The following RYR2 variants were observed in gnomAD, a reference collection of about 807,000 sequenced individuals.
RYR2 encodes cardiac muscle ryanodine receptor-calcium release channel.
Under a neutral mutation model 601.1 loss-of-function variants are expected in RYR2, and 227 were observed. That is an observed-to-expected ratio of 0.38 (90% CI 0.34 to 0.42). RYR2 has a LOEUF of 0.42. Ranked by LOEUF, RYR2 falls within the 10% of genes least tolerant of loss-of-function variation. RYR2 has a pLI of 1.00. For synonymous variants in RYR2, 2,223 were observed against 2,175.1 expected (o/e 1.02, Z -0.61); for missense variants, 4,646 against 6,156.5 (o/e 0.75, Z 8.21).
intron 17 of RYR2, among the ~76,000 whole-genome samples, chr1:237,476,218 G>A (rs892147672): frequency 6.6e-6 from 1 of 152,128 alleles, no homozygotes; most frequent in Non-Finnish European, 1.5e-5. Flanking sequence ...GCCAAAGAAG[G>A]AGTCTTTGAG....
chr1:237,742,410 A>G (rs367815684), intron 80 of RYR2, 61 bp downstream of exon 80: 7 of 1,151,666 alleles, frequency 6.1e-6, no homozygotes, highest in Non-Finnish European at 8.9e-6. Flanking sequence ...TTCATAGCTT[A>G]TAACTGACAT....
At chr1:237,815,033 T>C (rs1661665068) in intron 100 of RYR2, among the ~76,000 whole-genome samples, 1 of 146,468 alleles carries the variant, frequency 6.8e-6, no homozygotes, top group Non-Finnish European at 1.5e-5. Flanking sequence ...TGACCCTCAG[T>C]GTTCCCTAAA....
Position 237,711,844 on chromosome 1 carries a change from C to T in RYR2, c.10323+7C>T, listed in dbSNP as rs768244131. On this transcript the variant is annotated splice_region_variant and intron_variant, in intron 71 of 104. Transcript: ENST00000366574. Reference sequence around the variant, plus strand: ...CAAGTCAAAGATGTCAAAGGTATTACTATAAACTGTTTCACTGTTCTGGAA... The same window carrying T: ...CAAGTCAAAGATGTCAAAGGTATTATTATAAACTGTTTCACTGTTCTGGAA... The T allele has an allele frequency of 8.1e-7, 1 of 1,229,580 alleles. No individual in the cohort carries two copies. The highest frequency in any genetic ancestry group is 1.2e-5 in the South Asian group (1 of 80,634). 76.2% of individuals were successfully genotyped at this position (1,229,580 alleles called of 1,614,324 possible).
chr1:237,647,532 A>G (rs1249429068), intron 48 of RYR2, among the ~76,000 whole-genome samples: 1 of 152,232 alleles, frequency 6.6e-6, no homozygotes, highest in African/African-American at 2.4e-5. Flanking sequence ...TGTTTTCATG[A>G]TTCACATATA....
intron 1 of RYR2, among the ~76,000 whole-genome samples, chr1:237,243,781 TTA>T (rs1686470141): frequency 6.6e-6 from 1 of 152,154 alleles, no homozygotes; most frequent in African/African-American, 2.4e-5. Context: ...ACACCCAACA[TTA>T]TAACAAAAGA....
intron 38 of RYR2, among the ~76,000 whole-genome samples, chr1:237,618,347 A>G (rs1479325734): frequency 6.6e-6 from 1 of 152,164 alleles, no homozygotes; most frequent in Non-Finnish European, 1.5e-5. Flanking sequence ...GGAAAGATGG[A>G]GTACATGTGC....
At chr1:237,540,715 T>TAAA (rs61711260) in intron 25 of RYR2, among the ~76,000 whole-genome samples, 2,115 of 130,382 alleles carry the variant, frequency 0.016, 22 homozygotes, top group Non-Finnish European at 0.026. Flanking sequence ...TTCAAAATAT[T>TAAA]AAAAAAAAAA....
intron 12 of RYR2, among the ~76,000 whole-genome samples, chr1:237,436,724 G>GATCTATTAGTTACCTAATAGAGTA (rs1382936190): frequency 7.7e-4 from 117 of 151,498 alleles, no homozygotes; most frequent in Admixed American, 2.2e-3. Flanking sequence ...ATCATCTGAG[G>GATCTATTAGTTACCTAATAGAGTA]ATCTATTAGT....
intron 28 of RYR2, among the ~76,000 whole-genome samples, 164 bp from the exon 29 acceptor site, chr1:237,568,981 G>T (rs1672377954): frequency 6.6e-6 from 1 of 152,078 alleles, no homozygotes; most frequent in Non-Finnish European, 1.5e-5. Flanking sequence ...TTCCCAGACA[G>T]CTCCATTTTG....
chr1:237,119,499 G>A (rs1670535496), intron 1 of RYR2, among the ~76,000 whole-genome samples: 1 of 152,134 alleles, frequency 6.6e-6, no homozygotes, highest in African/African-American at 2.4e-5. Context: ...AGTTGGTCAT[G>A]GCACACTGGG....
intron 68 of RYR2, among the ~76,000 whole-genome samples, chr1:237,707,504 A>T (rs137979732): frequency 1.5e-3 from 226 of 152,310 alleles, no homozygotes; most frequent in African/African-American, 4.7e-3. Flanking sequence ...CTGTAAGATT[A>T]ATCAATAAAC....
At chr1:237,224,992 C>G (rs1029537923) in intron 1 of RYR2, among the ~76,000 whole-genome samples, 1 of 152,176 alleles carries the variant, frequency 6.6e-6, no homozygotes, top group Non-Finnish European at 1.5e-5. Flanking sequence ...TTTCTTATTT[C>G]AGATTTTTTT....
intron 3 of RYR2, among the ~76,000 whole-genome samples, chr1:237,341,380 G>T (rs1053889866): frequency 2.0e-4 from 31 of 152,108 alleles, no homozygotes; most frequent in Non-Finnish European, 4.3e-4. Flanking sequence ...GTCTCATTCT[G>T]TCACCCAGGC....
At chr1:237,661,361 G>A (rs1417143962) in intron 56 of RYR2, among the ~76,000 whole-genome samples, 1 of 152,088 alleles carries the variant, frequency 6.6e-6, no homozygotes, top group African/African-American at 2.4e-5. Flanking sequence ...TGGGGGGCTA[G>A]GGGAGGGATA....
chr1:237,411,619 G>A (rs1342371235), intron 10 of RYR2, among the ~76,000 whole-genome samples: 2 of 152,112 alleles, frequency 1.3e-5, no homozygotes, highest in Admixed American at 6.6e-5. Context: ...ACTTTTCCAA[G>A]TGGTCTACGT....
intron 62 of RYR2, among the ~76,000 whole-genome samples, chr1:237,683,010 G>C (rs1449108876): frequency 6.6e-6 from 1 of 152,126 alleles, no homozygotes; most frequent in Non-Finnish European, 1.5e-5. Flanking sequence ...ATGGAGATGA[G>C]TATAATACTT....
At position 237,566,783 on chromosome 1, in the gene RYR2, G is replaced by T. The variant is rs759584406; in HGVS notation, c.3423+8G>T. 3.7e-6 allele frequency: 6 copies of T among 1,613,836 alleles called. No individual in the cohort carries two copies. Among genetic ancestry groups the T allele is most frequent in the Non-Finnish European group, 5.1e-6 (6 of 1,179,798 alleles). ...GCCTTTGATGGCTTCAAGGTGAGTG[G>T]ACTTTGTCCTGTGCCAGTCATCTGT... On this transcript the variant is annotated splice_region_variant and intron_variant, in intron 28 of 104. Coordinates refer to ENST00000366574, the MANE Select transcript of RYR2 (RefSeq NM_001035.3).
At chr1:237,579,445 A>G (rs923508416) in intron 29 of RYR2, among the ~76,000 whole-genome samples, 4 of 151,642 alleles carry the variant, frequency 2.6e-5, no homozygotes, top group Non-Finnish European at 5.9e-5. Context: ...TAGTACAGAC[A>G]GGGTTTCACC....
At chr1:237,373,227 G>C (rs926419685) in intron 6 of RYR2, among the ~76,000 whole-genome samples, 9 of 152,174 alleles carry the variant, frequency 5.9e-5, no homozygotes, top group Admixed American at 1.3e-4. Flanking sequence ...TTCTGCTGTG[G>C]CTAAAAACAA....
Sources: gnomAD v4.1 joint callset for allele counts (sites outside exome capture counted in the v4.1 genomes callset) on GRCh38, gnomAD v4.1.1 for gene constraint, MANE v1.5 for transcripts, NCBI Gene and HGNC (gene_info 2026-07-23, HGNC 2026-07-21) for gene names.